The following SLC24A2 variants were observed in gnomAD, a reference collection of about 807,000 sequenced individuals.
SLC24A2 encodes solute carrier family 24 member 2, also known as sodium/potassium/calcium exchanger 2.
Under a neutral mutation model 62.0 loss-of-function variants are expected in SLC24A2, and 36 were observed. The ratio of observed to expected loss-of-function variants is 0.58; its 90% confidence interval spans 0.44 to 0.77. The LOEUF is 0.77. SLC24A2 is among the 30% of genes least tolerant of loss of function. SLC24A2 has a pLI of 0.00. For synonymous variants in SLC24A2, 358 were observed against 294.0 expected (o/e 1.22, Z -2.23); for missense variants, 846 against 817.9 (o/e 1.03, Z -0.42).
At chr9:20,240,209 G>T in the SLC24A2 span, among the ~76,000 whole-genome samples, 3 of 151,998 alleles carry the variant, frequency 2.0e-5, no homozygotes, top group African/African-American at 7.3e-5. Context: ...ACCCTACCTG[G>T]GCAGAAGATG....
At chr9:19,890,312 A>T in the SLC24A2 span, among the ~76,000 whole-genome samples, 3 of 152,204 alleles carry the variant, frequency 2.0e-5, no homozygotes, top group Non-Finnish European at 4.4e-5. Context: ...TAAATGATGA[A>T]GGGAAGGAAA....
At chr9:19,571,930 C>T (rs1454119008) in intron 7 of SLC24A2, among the ~76,000 whole-genome samples, 1 of 152,056 alleles carries the variant, frequency 6.6e-6, no homozygotes, top group Non-Finnish European at 1.5e-5. Context: ...TAGGTAACCC[C>T]AATTAACTAC....
At chr9:20,235,501 A>T in the SLC24A2 span, among the ~76,000 whole-genome samples, 65,650 of 152,160 alleles carry the variant, frequency 0.43, 16,911 homozygotes, top group Non-Finnish European at 0.59. Flanking sequence ...GCAATGAGCG[A>T]GACTCTGTGG....
chr9:19,517,015 C>A (rs952857940), intron 10 of SLC24A2, among the ~76,000 whole-genome samples: 1 of 152,118 alleles, frequency 6.6e-6, no homozygotes, highest in Non-Finnish European at 1.5e-5. Context: ...CAGTATCTTA[C>A]ATTTGTGATG....
the SLC24A2 span, among the ~76,000 whole-genome samples, chr9:19,988,721 T>C: frequency 6.6e-6 from 1 of 152,214 alleles, no homozygotes; most frequent in Non-Finnish European, 1.5e-5. Flanking sequence ...TTTGTGGAAG[T>C]ACCAATGCAG....
the SLC24A2 span, among the ~76,000 whole-genome samples, chr9:20,125,552 A>AT: frequency 6.6e-6 from 1 of 152,160 alleles, no homozygotes; most frequent in African/African-American, 2.4e-5. Context: ...GGGGAAGGTG[A>AT]TGCCAGTACT....
intron 2 of SLC24A2, among the ~76,000 whole-genome samples, chr9:19,728,535 T>A (rs1157220043): frequency 6.6e-6 from 1 of 152,180 alleles, no homozygotes; most frequent in African/African-American, 2.4e-5. Context: ...TTTGCTATAA[T>A]GAAAAAATCT....
chr9:19,712,695 T>A (rs1469520232), intron 2 of SLC24A2, among the ~76,000 whole-genome samples: 1 of 152,116 alleles, frequency 6.6e-6, no homozygotes, highest in Non-Finnish European at 1.5e-5. Flanking sequence ...CAAGTTCCCA[T>A]CTCATGGCCT....
the SLC24A2 span, among the ~76,000 whole-genome samples, chr9:20,145,290 A>G: frequency 6.6e-6 from 1 of 152,042 alleles, no homozygotes; most frequent in African/African-American, 2.4e-5. Context: ...AGCAAGCCTT[A>G]TGGTCTGCAA....
At chr9:20,278,601 T>A in the SLC24A2 span, among the ~76,000 whole-genome samples, 2 of 152,210 alleles carry the variant, frequency 1.3e-5, no homozygotes, top group East Asian at 3.8e-4. Flanking sequence ...AGCCTGGACT[T>A]TATTTTCCAT....
At chr9:19,613,707 TC>T (rs1269041243) in intron 4 of SLC24A2, among the ~76,000 whole-genome samples, 6 of 152,126 alleles carry the variant, frequency 3.9e-5, no homozygotes, top group African/African-American at 1.2e-4. Flanking sequence ...CAGGGATAGG[TC>T]AGAGCTCTTG....
At chr9:20,101,799 T>C in the SLC24A2 span, among the ~76,000 whole-genome samples, 2 of 152,096 alleles carry the variant, frequency 1.3e-5, no homozygotes, top group African/African-American at 2.4e-5. Context: ...ACTGAGGAAC[T>C]TACCTTAAGG....
chr9:20,201,926 G>T, the SLC24A2 span, among the ~76,000 whole-genome samples: 1 of 152,052 alleles, frequency 6.6e-6, no homozygotes. Flanking sequence ...CAGTTGACTG[G>T]AAGAGTAAGA....
the SLC24A2 span, among the ~76,000 whole-genome samples, chr9:20,265,966 G>A: frequency 5.5e-4 from 84 of 152,260 alleles, no homozygotes; most frequent in South Asian, 0.011. Flanking sequence ...GGCTTATTAG[G>A]ACCAGGAAAT....
the SLC24A2 span, among the ~76,000 whole-genome samples, chr9:20,239,712 C>G: frequency 6.6e-6 from 1 of 152,078 alleles, no homozygotes; most frequent in Non-Finnish European, 1.5e-5. Flanking sequence ...ACTTTAGATA[C>G]CTGAACTGTA....
chr9:20,236,212 C>T, the SLC24A2 span, among the ~76,000 whole-genome samples: 1 of 152,180 alleles, frequency 6.6e-6, no homozygotes, highest in Non-Finnish European at 1.5e-5. Flanking sequence ...AACATGGAAT[C>T]CCTGGTACTT....
At chr9:19,788,092 C>G (rs1234160243) in intron 1 of SLC24A2, among the ~76,000 whole-genome samples, 1 of 152,212 alleles carries the variant, frequency 6.6e-6, no homozygotes, top group East Asian at 1.9e-4. Flanking sequence ...GAGATAATCT[C>G]AGGTGTAAAA....
chr9:19,848,063 A>T, the SLC24A2 span, among the ~76,000 whole-genome samples: 1 of 152,248 alleles, frequency 6.6e-6, no homozygotes, highest in Non-Finnish European at 1.5e-5. Flanking sequence ...CTTGTATGAT[A>T]TCAGACTGTG....
the SLC24A2 span, among the ~76,000 whole-genome samples, chr9:20,160,419 C>A: frequency 2.0e-5 from 3 of 151,154 alleles, no homozygotes; most frequent in Non-Finnish European, 4.4e-5. Flanking sequence ...GTTATAAAAA[C>A]CCTAAAAATT....
Sources: allele counts gnomAD v4.1 joint callset (sites outside exome capture counted in the v4.1 genomes callset), GRCh38; gene constraint gnomAD v4.1.1; transcripts MANE v1.5; gene names NCBI Gene and HGNC (gene_info 2026-07-23, HGNC 2026-07-21).